PCNX3: variants seen among roughly 807,000 people sequenced by gnomAD.
The protein encoded by PCNX3 is pecanex-like protein 3.
Under a neutral mutation model 207.2 loss-of-function variants are expected in PCNX3, and 58 were observed. That is an observed-to-expected ratio of 0.28 (90% CI 0.23 to 0.35). PCNX3 has a LOEUF of 0.35. PCNX3 is among the 10% of genes least tolerant of loss of function. PCNX3 has a pLI of 1.00. For missense variants in PCNX3, 2,410 were observed against 2,774.4 expected (o/e 0.87, Z 2.95); for synonymous variants, 1,337 against 1,183.5 (o/e 1.13, Z -2.66).
Position 65,627,393 on chromosome 11 carries a change from C to G in PCNX3, c.3525-12C>G. 1 of 1,605,420 alleles carries G rather than the reference C, an allele frequency of 6.2e-7. No homozygotes were observed. The highest frequency in any genetic ancestry group is 8.5e-7 in the Non-Finnish European group (1 of 1,179,278). ...CCCTACCAAGCACCCGATGCCTGCC[C>G]CTTGCCCACAGCTGCCGGGCGCTGC... On this transcript the variant is annotated splice_polypyrimidine_tract_variant and intron_variant, in intron 21 of 34. Transcript: ENST00000355703.
Position 65,620,904 on chromosome 11 carries a change from C to T in PCNX3, c.2173C>T (p.Gln725Ter). Residue 725 changes from glutamine (Q) to a stop codon, truncating the protein, a stop_gained, in exon 10 of 35, where the codon CAG becomes TAG. Transcript: ENST00000355703. LOFTEE classifies it high-confidence loss of function. ...GGCTACAGGCGGCCTGAACCTGCTG[C>T]AGCCGAGGCCTGTGGTTCTGCAGGG... ...PEATGGLNLL[Q>*]PRPVVLQGMQ... 1 of 1,566,708 alleles carries T rather than the reference C, an allele frequency of 6.4e-7. No homozygotes were observed. The highest frequency in any genetic ancestry group is 8.6e-7 in the Non-Finnish European group (1 of 1,156,502).
chr11:65,636,689 GGT>G lies in PCNX3; in HGVS notation c.5892+1_5892+2del. 6.3e-7 allele frequency: 1 copy of G among 1,577,814 alleles called. No individual in the cohort carries two copies. The highest frequency in any genetic ancestry group is 1.2e-5 in the South Asian group (1 of 86,352). On this transcript the variant is annotated splice_donor_variant, in intron 34 of 34. Transcript: ENST00000355703. LOFTEE classifies it high-confidence loss of function. The stretch of plus-strand genomic sequence containing the variant: ...CCAAAGGAGGTACCCCCAAATCTCA[GGT>G]AAGGCACCTGTGGGAGGGTTGGGTC...
chr11:65,623,158 C>T (rs549707739), intron 11 of PCNX3, among the ~76,000 whole-genome samples: 6 of 152,326 alleles, frequency 3.9e-5, no homozygotes, highest in East Asian at 3.9e-4. Flanking sequence ...TAGCGTGGCA[C>T]GCCCAAGGCA....
At position 65,625,884 on chromosome 11, in the gene PCNX3, C is replaced by T. The variant is rs1474488258; in HGVS notation, c.3229-20C>T. The T allele has an allele frequency of 1.2e-6, 2 of 1,609,216 alleles. No homozygotes were observed. The highest frequency in any genetic ancestry group is 1.3e-5 in the African/African-American group (1 of 74,884). ...TGGCCTGCTCCCATCAGCTGAGTCT[C>T]TGGCCTCTCCCTCCTGCAGTCGGTG... On this transcript the variant is annotated intron_variant, in intron 19 of 34. Coordinates refer to ENST00000355703, the MANE Select transcript of PCNX3 (RefSeq NM_032223.4). This position sits in a 1 kb window ranked among gnomAD's most constrained non-coding sequence, Gnocchi z 5.6.
chr11:65,631,036 C>G (rs943234942), intron 27 of PCNX3, among the ~76,000 whole-genome samples: 1 of 152,224 alleles, frequency 6.6e-6, no homozygotes, highest in Non-Finnish European at 1.5e-5. Context: ...TGGGTGGAGT[C>G]CCCCACCCTT....
At position 65,617,258 on chromosome 11, in the gene PCNX3, G is replaced by A; in HGVS notation, c.350G>A (p.Gly117Glu). 1 of 1,604,746 alleles carries A rather than the reference G, an allele frequency of 6.2e-7. No individual in the cohort carries two copies. The highest frequency in any genetic ancestry group is 2.3e-5 in the East Asian group (1 of 44,444). ...CTCTTTTTCACCGCCAGGGACCCCG[G>A]AGTGGAGATGACAGTGTTCCGGAAA... ...QGDSNPPRDPGVEMTVFRKVS... is the reference protein window; with the variant it reads ...QGDSNPPRDPEVEMTVFRKVS... Residue 117 changes from glycine to glutamate, a missense_variant, in exon 3 of 35, where the codon GGA becomes GAA. Gly to Glu is a moderately conservative substitution (Grantham distance 98, BLOSUM62 -2). Coordinates refer to ENST00000355703, the MANE Select transcript of PCNX3 (RefSeq NM_032223.4).
At chr11:65,617,584 C>T in intron 4 of PCNX3, 27 bp from the exon 5 acceptor site, 1 of 1,613,466 alleles carries the variant, frequency 6.2e-7, no homozygotes, top group Non-Finnish European at 8.5e-7. Context: ...GGGGGTCCTG[C>T]TGACACCTCT....
At position 65,628,754 on chromosome 11, in the gene PCNX3, G is replaced by T. The variant is rs1855501942; in HGVS notation, c.3811+51G>T. The T allele has an allele frequency of 4.0e-5, 64 of 1,601,926 alleles. No homozygotes were observed. In the South Asian group the frequency reaches 6.9e-4, roughly 17 times the overall value. On this transcript the variant is annotated intron_variant, in intron 23 of 34. Transcript: ENST00000355703. Reference sequence around the variant, plus strand: ...GTGTGCAGGGAGGGCTGTGGCCTGGGGCAGTGGGGGGTGGTGGGGGGCTGG... The same window carrying T: ...GTGTGCAGGGAGGGCTGTGGCCTGGTGCAGTGGGGGGTGGTGGGGGGCTGG...
chr11:65,623,741 G>T, intron 12 of PCNX3, 97 bp downstream of exon 12: 1 of 1,545,896 alleles, frequency 6.5e-7, no homozygotes, highest in Non-Finnish European at 8.8e-7. Context: ...CTGAAAGGTA[G>T]ATAATTTGTC....
chr11:65,636,030 A>G (rs1456096889), intron 32 of PCNX3, 144 bp from the exon 33 acceptor site: 1 of 1,334,982 alleles, frequency 7.5e-7, no homozygotes, highest in Non-Finnish European at 1.0e-6. Context: ...AGACTCTGCA[A>G]AGTAGGTGGC....
chr11:65,619,957 C>T (rs755473773), intron 8 of PCNX3, 25 bp downstream of exon 8: 2 of 1,576,474 alleles, frequency 1.3e-6, no homozygotes, highest in Admixed American at 1.7e-5. Context: ...AGCCCGGTGG[C>T]CCAGTGCCTC....
At chr11:65,621,951 GTT>G (rs1464225616) in intron 10 of PCNX3, among the ~76,000 whole-genome samples, 1 of 152,200 alleles carries the variant, frequency 6.6e-6, no homozygotes, top group African/African-American at 2.4e-5. Flanking sequence ...AGGTGGGAGA[GTT>G]TGCCTGACTG....
chr11:65,632,344 G>A (rs1855649287), intron 27 of PCNX3, among the ~76,000 whole-genome samples: 1 of 151,718 alleles, frequency 6.6e-6, no homozygotes, highest in South Asian at 2.1e-4. Flanking sequence ...GGAGCCTGGT[G>A]CATCTGGGGA....
In PCNX3 at chr11:65,624,512, C is replaced by G. The variant is rs777282834; in HGVS notation, c.2758C>G (p.Leu920Val). 2 of 1,609,052 alleles carry G rather than the reference C, an allele frequency of 1.2e-6. No homozygotes were observed. The highest frequency in any genetic ancestry group is 2.2e-5 in the South Asian group (2 of 89,656). Reference sequence around the variant, plus strand: ...CCCCTTCGTCTTCCTCCTGGGCCTCCTGCCCCAGGTCAACACCTGCCTCAT... The same window carrying G: ...CCCCTTCGTCTTCCTCCTGGGCCTCGTGCCCCAGGTCAACACCTGCCTCAT... ...CFPFVFLLGL[L>V]PQVNTCLMYL... is the part of the protein sequence containing the mutation. Residue 920 changes from leucine (L) to valine (V), a missense_variant, in exon 15 of 35, where the codon CTG (leucine) becomes GTG (valine). Leu to Val is a conservative substitution (Grantham distance 32, BLOSUM62 1). This residue lies in a region of PCNX3 where 18 missense variants were observed against 46.2 expected (regional missense o/e 0.39). Transcript: ENST00000355703.
chr11:65,619,458 G>A (rs138826623), intron 6 of PCNX3, 79 bp from the exon 7 acceptor site: 51 of 1,553,930 alleles, frequency 3.3e-5, no homozygotes, highest in African/African-American at 6.7e-5. Context: ...GCTCCCTGGC[G>A]GAACACCGTC....
chr11:65,625,660 C>T lies in PCNX3; in HGVS notation c.3144C>T (p.Val1048=). ...CTCTCCTGGCCCTGCAGCGTGAGGTCTTGCACTCCGACCTGGTGATGTGTG... is the reference window on the plus strand; with the variant it reads ...CTCTCCTGGCCCTGCAGCGTGAGGTTTTGCACTCCGACCTGGTGATGTGTG... ...PDKMRQSVRE[V]LHSDLVMCVV... Residue 1048 remains valine (V), a synonymous_variant, in exon 19 of 35, where the codon GTC becomes GTT. Transcript: ENST00000355703. This position sits in a 1 kb window ranked among gnomAD's most constrained non-coding sequence, Gnocchi z 5.6. 9 of 1,613,098 alleles carry T rather than the reference C, an allele frequency of 5.6e-6. No individual in the cohort carries two copies. The highest frequency in any genetic ancestry group is 1.3e-5 in the African/African-American group (1 of 75,048).
rs1253875510 is a variant in PCNX3, at chr11:65,617,295, A to G, written c.387A>G (p.Thr129=). 1 of 1,610,454 alleles carries G rather than the reference A, an allele frequency of 6.2e-7. No homozygotes were observed. Among genetic ancestry groups the G allele is most frequent in the African/African-American group, 1.3e-5 (1 of 74,400 alleles). Residue 129 remains threonine (T), a synonymous_variant, in exon 3 of 35, where the codon ACA becomes ACG. Coordinates refer to ENST00000355703, the MANE Select transcript of PCNX3 (RefSeq NM_032223.4). The stretch of plus-strand genomic sequence containing the variant: ...CAGTGTTCCGGAAAGTCAGTTCCAC[A>G]CCCCCGGTGCGCTGCAGCTCCCAGC... ...EMTVFRKVSS[T]PPVRCSSQHS...
chr11:65,617,620 A>T lies in PCNX3; in HGVS notation c.491A>T (p.Glu164Val). The change falls in exon 5 of 35, where the codon GAG becomes GTG. Residue 164 changes from glutamate to valine, a missense_variant. Glu to Val is a moderately radical substitution (Grantham distance 121, BLOSUM62 -2). Around this residue, in one of 8 missense-constraint regions of PCNX3, gnomAD observed 1,104 missense variants for 970.3 expected, o/e 1.14. Transcript: ENST00000355703. Reference sequence around the variant, plus strand: ...GGGGCCATGGTTGCAGACATCAAGGAGCTGGTGCGGGAGCAGGGCAGCAAC... The same window carrying T: ...GGGGCCATGGTTGCAGACATCAAGGTGCTGGTGCGGGAGCAGGGCAGCAAC... Reference protein sequence around the residue: ...EDSGPLRDIKELVREQGSNNV... With the variant: ...EDSGPLRDIKVLVREQGSNNV... The T allele has an allele frequency of 1.2e-6, 2 of 1,611,098 alleles. No individual in the cohort carries two copies. Among genetic ancestry groups the T allele is most frequent in the Non-Finnish European group, 8.5e-7 (1 of 1,178,660 alleles).
chr11:65,616,175 C>T lies in PCNX3; in HGVS notation c.-137C>T, dbSNP rs1472579410. The T allele has an allele frequency of 1.6e-6, 1 of 622,688 alleles. No individual in the cohort carries two copies. The highest frequency in any genetic ancestry group is 2.4e-6 in the Non-Finnish European group (1 of 422,980). The allele number at this position is 622,688 out of a possible 1,614,324, so 38.6% of individuals were successfully genotyped here. A position where few individuals can be genotyped will look rare whatever the true frequency, so the allele number is the denominator to read the frequency against. On this transcript the variant is annotated 5_prime_UTR_variant, in exon 1 of 35. Transcript: ENST00000355703. ...CTCGCACCCTCGCGCGGCCGAGCCC[C>T]CCTCCCCCGCTGGGGGAGGCCATGG... is the stretch of plus-strand genomic sequence containing the variant.
Sources: gnomAD v4.1 joint callset for allele counts (sites outside exome capture counted in the v4.1 genomes callset) on GRCh38, gnomAD v4.1.1 for gene constraint, gnomAD v4.1.1 regional missense constraint, Gnocchi (gnomAD v3.1) non-coding constraint, MANE v1.5 for transcripts, NCBI Gene and HGNC (gene_info 2026-07-23, HGNC 2026-07-21) for gene names.